The following DSCAM variants were observed in gnomAD, a reference collection of about 807,000 sequenced individuals.
DSCAM encodes cell adhesion molecule DSCAM.
A neutral mutation model predicts 217.7 loss-of-function variants in DSCAM; 47 were observed. The observed-to-expected ratio is 0.22, with a 90% CI of 0.17 to 0.28. The LOEUF is 0.28. Ranked by LOEUF, DSCAM falls within the 10% of genes least tolerant of loss-of-function variation. The pLI is 1.00. For missense variants in DSCAM, 2,080 were observed against 2,618.3 expected (o/e 0.79, Z 4.49); for synonymous variants, 1,056 against 1,015.3 (o/e 1.04, Z -0.76).
chr21:40,331,087 C>G (rs1175095395), intron 8 of DSCAM, among the ~76,000 whole-genome samples: 2 of 152,176 alleles, frequency 1.3e-5, no homozygotes, highest in African/African-American at 4.8e-5. Context: ...GAAAAATAAA[C>G]TCAAAATGCT....
chr21:40,144,569 C>T lies in DSCAM; in HGVS notation c.3181G>A (p.Gly1061Ser), dbSNP rs1351600424. ...CGGTTACAGGCCTGCACCACCAGGC[C>T]GTACTGAGTGAACTTATTCAGGTTG... ...LDNLNKFTQY[G>S]LVVQACNRAG... is the part of the protein sequence containing the mutation. The change falls in exon 17 of 33, where the codon GGC becomes AGC. Residue 1061 changes from glycine (G) to serine (S), a missense_variant. Gly to Ser is a moderately conservative substitution (Grantham distance 56, BLOSUM62 0). Coordinates refer to ENST00000400454, the MANE Select transcript of DSCAM (RefSeq NM_001389.5). The surrounding 1 kb of genome is among the most constrained non-coding windows in gnomAD (Gnocchi z 4.8). 1 of 1,614,174 alleles carries T rather than the reference C, an allele frequency of 6.2e-7. No individual in the cohort carries two copies. Among genetic ancestry groups the T allele is most frequent in the South Asian group, 1.1e-5 (1 of 91,068 alleles).
At chr21:40,637,626 T>A (rs1338191130) in intron 3 of DSCAM, among the ~76,000 whole-genome samples, 1 of 35,680 alleles carries the variant, frequency 2.8e-5, no homozygotes, top group Non-Finnish European at 4.9e-5. Flanking sequence ...AATATATACA[T>A]ATATAAATAT....
rs568414413 is a variant in DSCAM, at chr21:40,103,982, G to A, written c.3697-10108C>T. ...TATAATGTTTTGCAACTATATTAAA[G>A]TTGATATCCAGAGAAGGCATGAGAA... On this transcript the variant is annotated intron_variant, in intron 20 of 32. Coordinates refer to ENST00000400454, the MANE Select transcript of DSCAM (RefSeq NM_001389.5). 5.3e-5 allele frequency among the ~76,000 whole-genome samples: 8 copies of A among 152,074 alleles called. No homozygotes were observed. In the South Asian group the frequency reaches 6.2e-4, roughly 12 times the overall value.
intron 11 of DSCAM, among the ~76,000 whole-genome samples, chr21:40,222,054 G>C (rs2091293114): frequency 6.6e-6 from 1 of 152,120 alleles, no homozygotes; most frequent in African/African-American, 2.4e-5. Context: ...TTCTCAAAAG[G>C]AATGAAGTGA....
chr21:40,092,000 C>A (rs2089616783), intron 21 of DSCAM, among the ~76,000 whole-genome samples: 1 of 152,208 alleles, frequency 6.6e-6, no homozygotes, highest in African/African-American at 2.4e-5. Context: ...CCCCACCAAA[C>A]TGTAAGCTTC....
chr21:40,019,979 C>G (rs543447017), intron 32 of DSCAM, among the ~76,000 whole-genome samples: 1 of 152,222 alleles, frequency 6.6e-6, no homozygotes, highest in Admixed American at 6.5e-5. Context: ...TTCTCTCATT[C>G]CCTCCATTCT....
At chr21:40,651,267 C>T (rs950619765) in intron 3 of DSCAM, among the ~76,000 whole-genome samples, 2 of 152,188 alleles carry the variant, frequency 1.3e-5, no homozygotes, top group Non-Finnish European at 1.5e-5. Flanking sequence ...ATGTTTAACA[C>T]CGCAAGGCTT....
chr21:40,683,308 T>G (rs1442073335), intron 3 of DSCAM, among the ~76,000 whole-genome samples: 1 of 152,182 alleles, frequency 6.6e-6, no homozygotes, highest in African/African-American at 2.4e-5. Flanking sequence ...ATGGGTGATC[T>G]TGAAGTAGTG....
At chr21:40,330,882 G>A (rs961306447) in intron 8 of DSCAM, among the ~76,000 whole-genome samples, 8 of 152,030 alleles carry the variant, frequency 5.3e-5, no homozygotes, top group Non-Finnish European at 1.0e-4. Context: ...CATTTAATAC[G>A]TTACCATTCT....
At chr21:40,074,712 C>A (rs2089339629) in intron 27 of DSCAM, among the ~76,000 whole-genome samples, 1 of 152,150 alleles carries the variant, frequency 6.6e-6, no homozygotes, top group Admixed American at 6.5e-5. Flanking sequence ...TCATAGAAAG[C>A]CACAATTGGT....
chr21:40,817,319 G>T (rs1021675934), intron 1 of DSCAM, among the ~76,000 whole-genome samples: 3 of 152,162 alleles, frequency 2.0e-5, no homozygotes, highest in Admixed American at 2.0e-4. Context: ...CAGATCGCTT[G>T]TTTCTTCTCT....
At chr21:40,106,328 A>G (rs1414197818) in intron 20 of DSCAM, among the ~76,000 whole-genome samples, 1 of 152,182 alleles carries the variant, frequency 6.6e-6, no homozygotes, top group African/African-American at 2.4e-5. Flanking sequence ...AGACACAGCC[A>G]AACTATATCA....
intron 3 of DSCAM, among the ~76,000 whole-genome samples, chr21:40,532,226 T>C (rs1458117425): frequency 5.3e-5 from 8 of 151,780 alleles, no homozygotes; most frequent in Non-Finnish European, 7.4e-5. Flanking sequence ...TTCAAACCAC[T>C]GGGGAAAACA....
chr21:40,590,008 C>T (rs1463821314), intron 3 of DSCAM, among the ~76,000 whole-genome samples: 1 of 152,154 alleles, frequency 6.6e-6, no homozygotes, highest in Non-Finnish European at 1.5e-5. Context: ...AACTCCTCTT[C>T]CTGAGAACTG....
chr21:40,586,713 G>C (rs549869478), intron 3 of DSCAM, among the ~76,000 whole-genome samples: 16 of 152,250 alleles, frequency 1.1e-4, no homozygotes, highest in African/African-American at 3.9e-4. Context: ...GAGAGGTGTG[G>C]ACAAAGATCC....
rs902330436 is a variant in DSCAM at position 40,348,036 on chromosome 21, C to T, written c.935-91G>A. On this transcript the variant is annotated intron_variant, in intron 5 of 32. Transcript: ENST00000400454. ...GGCTGGACTTTCAACAAAGCAAGTG[C>T]ATCACGCAATCATACTCCACACAGT... The T allele has an allele frequency of 1.1e-5, 16 of 1,404,024 alleles. No individual in the cohort carries two copies. In the Middle Eastern group the frequency reaches 7.4e-4, roughly 65 times the overall value. The allele number at this position is 1,404,024 out of a possible 1,614,324, so 87.0% of individuals were successfully genotyped here. A position where few individuals can be genotyped will look rare whatever the true frequency, so the allele number is the denominator to read the frequency against.
chr21:40,819,315 C>A lies in DSCAM; in HGVS notation c.43+27304G>T, dbSNP rs79059190. ...GATTGCCTCAAACCACAGCACTGTGCTGGGCTGCACCCAGGCAGGGGAGCT... is the reference window on the plus strand; with the variant it reads ...GATTGCCTCAAACCACAGCACTGTGATGGGCTGCACCCAGGCAGGGGAGCT... On this transcript the variant is annotated intron_variant, in intron 1 of 32. Coordinates refer to ENST00000400454, the MANE Select transcript of DSCAM (RefSeq NM_001389.5). 3.4e-3 allele frequency among the ~76,000 whole-genome samples: 515 copies of A among 152,334 alleles called. 8 individuals carry two copies. The East Asian group carries it at 0.044, about 13-fold the overall frequency.
intron 1 of DSCAM, among the ~76,000 whole-genome samples, chr21:40,747,878 C>G (rs915999559): frequency 6.6e-6 from 1 of 151,802 alleles, no homozygotes; most frequent in Admixed American, 6.6e-5. Context: ...TCACCATGAT[C>G]AAGTGGGATT....
chr21:40,105,988 T>C (rs1050883618), intron 20 of DSCAM, among the ~76,000 whole-genome samples: 5 of 152,204 alleles, frequency 3.3e-5, no homozygotes, highest in African/African-American at 1.2e-4. Context: ...TATTAGCCCA[T>C]TTTTATACTG....
Sources: gnomAD v4.1 joint callset for allele counts (sites outside exome capture counted in the v4.1 genomes callset) on GRCh38, gnomAD v4.1.1 for gene constraint, Gnocchi (gnomAD v3.1) non-coding constraint, MANE v1.5 for transcripts, NCBI Gene and HGNC (gene_info 2026-07-23, HGNC 2026-07-21) for gene names.